Variants in HCN1 observed in about 807,000 individuals in gnomAD.
HCN1 encodes the protein potassium/sodium hyperpolarization-activated cyclic nucleotide-gated channel 1.
A neutral mutation model predicts 78.9 loss-of-function variants in HCN1; 13 were observed. That is an observed-to-expected ratio of 0.16 (90% CI 0.11 to 0.26). HCN1 has a LOEUF of 0.26. Ranked by LOEUF, HCN1 falls within the 10% of genes least tolerant of loss-of-function variation. The probability of loss-of-function intolerance (pLI) is 1.00; values close to 1 mark genes in which losing one functional copy is unlikely to be tolerated. For synonymous variants in HCN1, 552 were observed against 455.5 expected, an observed-to-expected ratio of 1.21 and a Z score of -2.70; for missense variants, 810 against 1,154.3, an observed-to-expected ratio of 0.70 and a Z score of 4.32.
Position 45,490,767 on chromosome 5 carries a change from T to A in HCN1, c.850-28760A>T, listed in dbSNP as rs12659740. ...AATTTTTTTAAATAAAAAACTTAAATAAAGATGAGTCTCCCCTTTCTTCCA... is the reference window on the plus strand; with the variant it reads ...AATTTTTTTAAATAAAAAACTTAAAAAAAGATGAGTCTCCCCTTTCTTCCA... On this transcript the variant is annotated intron_variant, in intron 2 of 7. Transcript: ENST00000303230. Among the ~76,000 whole-genome samples, 21 of 152,234 alleles carry A rather than the reference T, an allele frequency of 1.4e-4. No homozygotes were observed. The East Asian group carries it at 3.9e-3, about 28-fold the overall frequency.
intron 6 of HCN1, among the ~76,000 whole-genome samples, chr5:45,268,172 C>T (rs962410914): frequency 6.6e-6 from 1 of 152,144 alleles, no homozygotes; most frequent in African/African-American, 2.4e-5. Flanking sequence ...CAGAGGGACT[C>T]TCTATTTAAA....
At chr5:45,665,584 CTT>C (rs902931837) in intron 1 of HCN1, among the ~76,000 whole-genome samples, 1 of 151,944 alleles carries the variant, frequency 6.6e-6, no homozygotes, top group African/African-American at 2.4e-5. Context: ...TTCTCAGACT[CTT>C]TTTGGTACCA....
In HCN1 at chr5:45,633,878, A is replaced by C. The variant is rs377128613; in HGVS notation, c.849+11307T>G. On this transcript the variant is annotated intron_variant, in intron 2 of 7. Transcript: ENST00000303230. ...CAGCATTTTACCACGACATGTGCTCACTAAAAATTTTTTTCACCTTAAGTC... is the reference window on the plus strand; with the variant it reads ...CAGCATTTTACCACGACATGTGCTCCCTAAAAATTTTTTTCACCTTAAGTC... 7.9e-5 allele frequency among the ~76,000 whole-genome samples: 12 copies of C among 152,126 alleles called. 1 individual carries two copies. Among genetic ancestry groups the C allele is most frequent in the African/African-American group, 2.6e-4 (11 of 41,560 alleles).
chr5:45,350,891 G>A (rs1450993156), intron 5 of HCN1, among the ~76,000 whole-genome samples: 2 of 152,144 alleles, frequency 1.3e-5, no homozygotes, highest in Non-Finnish European at 2.9e-5. Flanking sequence ...CAAACAAATG[G>A]AAGAACATTT....
Position 45,526,721 on chromosome 5 carries a change from TG to T in HCN1, c.850-64715del, listed in dbSNP as rs1450571522. 2.6e-5 allele frequency among the ~76,000 whole-genome samples: 4 copies of T among 152,056 alleles called. No individual in the cohort carries two copies. In the South Asian group the frequency reaches 6.2e-4, roughly 24 times the overall value. On this transcript the variant is annotated intron_variant, in intron 2 of 7. Transcript: ENST00000303230. ...ATTTCCTTCTCCTGGGGCCTAGAGC[TG>T]GGGATTTCATGTCAACCTCTCCTGT...
intron 3 of HCN1, among the ~76,000 whole-genome samples, chr5:45,397,525 T>G (rs1489004391): frequency 6.6e-6 from 1 of 151,960 alleles, no homozygotes; most frequent in African/African-American, 2.4e-5. Context: ...AAAATTTAAA[T>G]TATTTTTTGG....
intron 6 of HCN1, among the ~76,000 whole-genome samples, chr5:45,295,347 A>G (rs1315328464): frequency 6.6e-6 from 1 of 152,000 alleles, no homozygotes; most frequent in African/African-American, 2.4e-5. Context: ...TATAAGTTCC[A>G]TAAGTATGAG....
At chr5:45,664,629 G>C (rs1343424058) in intron 1 of HCN1, among the ~76,000 whole-genome samples, 2 of 151,852 alleles carry the variant, frequency 1.3e-5, no homozygotes, top group East Asian at 1.9e-4. Flanking sequence ...CCATCAAATA[G>C]TGGGCAAAGG....
intron 3 of HCN1, among the ~76,000 whole-genome samples, chr5:45,424,681 T>C (rs191638506): frequency 2.6e-5 from 4 of 152,190 alleles, no homozygotes; most frequent in Admixed American, 1.3e-4. Flanking sequence ...TCCTATTATA[T>C]ATATTTTTGC....
chr5:45,658,074 A>G (rs1481321260), intron 1 of HCN1, among the ~76,000 whole-genome samples: 4 of 152,332 alleles, frequency 2.6e-5, no homozygotes, highest in Non-Finnish European at 5.9e-5. Flanking sequence ...AGCCCTCAGA[A>G]ATAACGCCGC....
At chr5:45,454,253 T>TG (rs1342783649) in intron 3 of HCN1, among the ~76,000 whole-genome samples, 1 of 152,122 alleles carries the variant, frequency 6.6e-6, no homozygotes, top group African/African-American at 2.4e-5. Context: ...GAACACAGTA[T>TG]GTGAACCCTT....
chr5:45,488,923 T>C (rs557148954), intron 2 of HCN1, among the ~76,000 whole-genome samples: 57 of 152,320 alleles, frequency 3.7e-4, no homozygotes, highest in Non-Finnish European at 7.6e-4. Flanking sequence ...GTTTGTGTTA[T>C]GAAAGGCTTT....
At chr5:45,556,947 C>T (rs1276814693) in intron 2 of HCN1, among the ~76,000 whole-genome samples, 2 of 151,984 alleles carry the variant, frequency 1.3e-5, no homozygotes, top group African/African-American at 4.8e-5. Context: ...CTTGACTAAT[C>T]TCTCAAGCTT....
chr5:45,428,401 CT>C (rs1217406100), intron 3 of HCN1, among the ~76,000 whole-genome samples: 1 of 151,862 alleles, frequency 6.6e-6, no homozygotes, highest in Non-Finnish European at 1.5e-5. Context: ...TTCCCTTCTT[CT>C]TTATCATTAA....
At chr5:45,277,244 T>C (rs1202220459) in intron 6 of HCN1, among the ~76,000 whole-genome samples, 4 of 152,148 alleles carry the variant, frequency 2.6e-5, no homozygotes, top group Non-Finnish European at 4.4e-5. Flanking sequence ...TGCTTCATAA[T>C]ACAGGCATAT....
rs1464916490 is a variant in HCN1, at chr5:45,518,867, C to T, written c.850-56860G>A. The stretch of plus-strand genomic sequence containing the variant: ...TACTATCCAGAAAACAACTGAGTTT[C>T]CTAAGCTAAGAAAAACTTTAAAAAT... On this transcript the variant is annotated intron_variant, in intron 2 of 7. Transcript: ENST00000303230. 6.6e-5 allele frequency among the ~76,000 whole-genome samples: 10 copies of T among 151,804 alleles called. No individual in the cohort carries two copies. The East Asian group carries it at 1.8e-3, about 27-fold the overall frequency.
At chr5:45,482,742 T>G (rs1289989725) in intron 2 of HCN1, among the ~76,000 whole-genome samples, 1 of 152,110 alleles carries the variant, frequency 6.6e-6, no homozygotes, top group Non-Finnish European at 1.5e-5. Context: ...TATAGGTAGT[T>G]TTCAACCCGC....
chr5:45,658,194 G>T (rs1381485272), intron 1 of HCN1, among the ~76,000 whole-genome samples: 1 of 152,130 alleles, frequency 6.6e-6, no homozygotes, highest in Non-Finnish European at 1.5e-5. Flanking sequence ...TATGTAGAAA[G>T]CTGAAACTGG....
intron 2 of HCN1, among the ~76,000 whole-genome samples, chr5:45,592,174 C>A (rs1744378543): frequency 6.6e-6 from 1 of 152,068 alleles, no homozygotes; most frequent in Non-Finnish European, 1.5e-5. Context: ...TGGCCACTAC[C>A]ATACTATATT....
Sources: allele counts gnomAD v4.1 joint callset (sites outside exome capture counted in the v4.1 genomes callset), GRCh38; gene constraint gnomAD v4.1.1; transcripts MANE v1.5; gene names NCBI Gene and HGNC (gene_info 2026-07-23, HGNC 2026-07-21).